FOXO3: variants seen among roughly 807,000 people sequenced by gnomAD.
FOXO3 encodes forkhead box protein O3.
A neutral mutation model predicts 41.9 loss-of-function variants in FOXO3; 4 were observed. The observed-to-expected ratio is 0.10, with a 90% CI of 0.05 to 0.22. FOXO3 has a LOEUF of 0.22. FOXO3 is among the 10% of genes least tolerant of loss of function. FOXO3 has a pLI of 1.00. For synonymous variants in FOXO3, 318 were observed against 389.3 expected, an observed-to-expected ratio of 0.82 and a Z score of 2.16; for missense variants, 534 against 906.8, an observed-to-expected ratio of 0.59 and a Z score of 5.28.
intron 2 of FOXO3, among the ~76,000 whole-genome samples, chr6:108,667,767 G>C (rs1779105170): frequency 6.6e-6 from 1 of 152,186 alleles, no homozygotes; most frequent in African/African-American, 2.4e-5. Flanking sequence ...GTTGTTTTGA[G>C]AAGATAACTT....
At chr6:108,610,456 T>G (rs966879546) in intron 1 of FOXO3, among the ~76,000 whole-genome samples, 2 of 152,174 alleles carry the variant, frequency 1.3e-5, no homozygotes, top group African/African-American at 4.8e-5. Context: ...CCGCTTAGCT[T>G]CATGGGCTGA....
intron 2 of FOXO3, among the ~76,000 whole-genome samples, chr6:108,674,881 C>T (rs376953667): frequency 2.1e-4 from 32 of 152,188 alleles, no homozygotes; most frequent in Middle Eastern, 6.8e-3. Flanking sequence ...TGCCTAAAAA[C>T]TGGGCCTTTA....
intron 1 of FOXO3, among the ~76,000 whole-genome samples, chr6:108,642,451 C>T (rs1306933646): frequency 6.6e-6 from 1 of 151,992 alleles, no homozygotes; most frequent in Non-Finnish European, 1.5e-5. Context: ...GATAGCATAA[C>T]ATTAAATTGG....
At chr6:108,653,647 C>T (rs1456850274) in intron 1 of FOXO3, among the ~76,000 whole-genome samples, 1 of 152,170 alleles carries the variant, frequency 6.6e-6, no homozygotes, top group East Asian at 1.9e-4. Flanking sequence ...GCTTCCTGCC[C>T]TGGTTGCTTG....
At chr6:108,662,333 C>G (rs1426789417) in intron 1 of FOXO3, among the ~76,000 whole-genome samples, 1 of 152,216 alleles carries the variant, frequency 6.6e-6, no homozygotes, top group Non-Finnish European at 1.5e-5. Context: ...CCCCGATCAC[C>G]TACTGAAATA....
upstream of FOXO3, chr6:108,560,763 G>A (rs1417791537): frequency 7.3e-6 from 2 of 273,616 alleles, no homozygotes; most frequent in African/African-American, 4.4e-5. Flanking sequence ...CCGCTTTAAA[G>A]GCGCGGCCGC....
At chr6:108,600,576 A>G (rs1777024437) in intron 1 of FOXO3, among the ~76,000 whole-genome samples, 1 of 142,392 alleles carries the variant, frequency 7.0e-6, no homozygotes, top group African/African-American at 2.5e-5. Flanking sequence ...AAAAAAAAGT[A>G]TGTGTGTTCA....
At chr6:108,615,816 T>G (rs1208202266) in intron 1 of FOXO3, among the ~76,000 whole-genome samples, 1 of 152,104 alleles carries the variant, frequency 6.6e-6, no homozygotes, top group Admixed American at 6.5e-5. Flanking sequence ...GCTGTTGTTG[T>G]GTCTTATAAT....
intron 2 of FOXO3, among the ~76,000 whole-genome samples, chr6:108,668,327 A>T (rs879895243): frequency 1.3e-5 from 2 of 151,858 alleles, no homozygotes; most frequent in South Asian, 2.1e-4. Context: ...GAATTCTTTG[A>T]CCCTTAGGTC....
chr6:108,630,066 C>T (rs1777922948), intron 1 of FOXO3, among the ~76,000 whole-genome samples: 1 of 152,164 alleles, frequency 6.6e-6, no homozygotes, highest in Non-Finnish European at 1.5e-5. Flanking sequence ...GTTGCTCCTT[C>T]CTGAGAGAAG....
chr6:108,618,423 A>C (rs1777575290), intron 1 of FOXO3: 11 of 466,160 alleles, frequency 2.4e-5, no homozygotes, highest in South Asian at 2.1e-4. Context: ...ATTTTACTTC[A>C]TTGAGTGCTA....
intron 1 of FOXO3, among the ~76,000 whole-genome samples, chr6:108,604,177 C>T (rs1186167728): frequency 3.3e-5 from 5 of 152,126 alleles, no homozygotes; most frequent in Admixed American, 6.5e-5. Flanking sequence ...CAACTTTTTA[C>T]TCTTAAATAA....
chr6:108,605,357 T>C (rs1358185460), intron 1 of FOXO3, among the ~76,000 whole-genome samples: 1 of 152,188 alleles, frequency 6.6e-6, no homozygotes, highest in Non-Finnish European at 1.5e-5. Context: ...GACCTTGTGA[T>C]CTGCCTGCCT....
intron 1 of FOXO3, among the ~76,000 whole-genome samples, chr6:108,630,723 C>A (rs1777946969): frequency 6.6e-6 from 1 of 152,108 alleles, no homozygotes; most frequent in African/African-American, 2.4e-5. Context: ...CCACTTCTCT[C>A]TATAACTAAC....
At chr6:108,629,509 G>A (rs867923581) in intron 1 of FOXO3, among the ~76,000 whole-genome samples, 2 of 152,106 alleles carry the variant, frequency 1.3e-5, no homozygotes, top group South Asian at 4.1e-4. Context: ...TAGACACTAT[G>A]TTGAACTTTT....
At chr6:108,614,839 A>C (rs946376587) in intron 1 of FOXO3, among the ~76,000 whole-genome samples, 5 of 150,574 alleles carry the variant, frequency 3.3e-5, no homozygotes, top group African/African-American at 1.2e-4. Flanking sequence ...TTTGTGTCCT[A>C]TTCCCCCTTT....
intron 1 of FOXO3, among the ~76,000 whole-genome samples, chr6:108,608,128 T>A (rs1777259256): frequency 6.6e-6 from 1 of 152,172 alleles, no homozygotes; most frequent in Admixed American, 6.5e-5. Flanking sequence ...TCATCAGAAG[T>A]AATGTGCAAA....
intron 1 of FOXO3, among the ~76,000 whole-genome samples, chr6:108,616,776 C>T (rs1040190264): frequency 2.6e-5 from 4 of 152,106 alleles, no homozygotes; most frequent in South Asian, 2.1e-4. Flanking sequence ...ACCTTGTATC[C>T]ATTAGCGGTC....
intron 1 of FOXO3, among the ~76,000 whole-genome samples, chr6:108,576,083 A>T (rs1176998267): frequency 6.6e-6 from 1 of 152,166 alleles, no homozygotes; most frequent in African/African-American, 2.4e-5. Context: ...TTCCTAGGTG[A>T]GCTAGTATAC....
Sources: allele counts gnomAD v4.1 joint callset (sites outside exome capture counted in the v4.1 genomes callset), GRCh38; gene constraint gnomAD v4.1.1; transcripts MANE v1.5; gene names NCBI Gene and HGNC (gene_info 2026-07-23, HGNC 2026-07-21).